The following ADAMTS3 variants were observed in gnomAD, a reference collection of about 807,000 sequenced individuals.
ADAMTS3 encodes A disintegrin and metalloproteinase with thrombospondin motifs 3.
In ADAMTS3, 73 loss-of-function variants were observed where a neutral mutation model predicts 129.0. That is an observed-to-expected ratio of 0.57 (90% CI 0.47 to 0.69). The LOEUF is 0.69. ADAMTS3 is among the 30% of genes least tolerant of loss of function. The pLI, the probability that ADAMTS3 is intolerant of heterozygous loss-of-function variation, is 0.00. For missense variants in ADAMTS3, 1,457 were observed against 1,514.5 expected (o/e 0.96, Z 0.63); for synonymous variants, 477 against 510.8 (o/e 0.93, Z 0.89).
rs758131623 is a variant in ADAMTS3 at position 72,318,567 on chromosome 4, C to A, written c.1485+5G>T. The A allele has an allele frequency of 6.2e-7, 1 of 1,612,838 alleles. No individual in the cohort carries two copies. Among genetic ancestry groups the A allele is most frequent in the Non-Finnish European group, 8.5e-7 (1 of 1,179,494 alleles). On this transcript the variant is annotated splice_donor_5th_base_variant and intron_variant, in intron 10 of 21. Transcript: ENST00000286657. ...CAAAATCTACATCAACTGTGAGCAA[C>A]ATACCGCGGTGCACATTTTATAGCC...
At chr4:72,329,513 T>C (rs1719789432) in intron 5 of ADAMTS3, among the ~76,000 whole-genome samples, 1 of 152,216 alleles carries the variant, frequency 6.6e-6, no homozygotes, top group Admixed American at 6.5e-5. Context: ...CACAGTGTTT[T>C]CCTCAAATGA....
chr4:72,563,439 C>CTTAGA (rs1265188385), intron 2 of ADAMTS3, among the ~76,000 whole-genome samples: 27 of 152,248 alleles, frequency 1.8e-4, no homozygotes, highest in African/African-American at 6.5e-4. Context: ...AGATTTTAAT[C>CTTAGA]TTAGCTTAGC....
At chr4:72,540,812 C>T (rs750068334) in intron 3 of ADAMTS3, among the ~76,000 whole-genome samples, 61 of 152,182 alleles carry the variant, frequency 4.0e-4, no homozygotes, top group Admixed American at 3.3e-4. Flanking sequence ...CAAGTACTGA[C>T]GTTTGAGAAC....
intron 2 of ADAMTS3, among the ~76,000 whole-genome samples, chr4:72,558,915 T>TGGAACTGTCAAAAAAGAG (rs1721834148): frequency 6.6e-6 from 1 of 151,732 alleles, no homozygotes; most frequent in African/African-American, 2.4e-5. Context: ...GGAAATGTAC[T>TGGAACTGTCAAAAAAGAG]GGAACTGTCA....
At chr4:72,525,736 T>G (rs1720789096) in intron 3 of ADAMTS3, among the ~76,000 whole-genome samples, 1 of 152,184 alleles carries the variant, frequency 6.6e-6, no homozygotes, top group Admixed American at 6.5e-5. Flanking sequence ...CACCTGTCCT[T>G]TCTCCCATCC....
At chr4:72,327,706 T>C (rs1462138450) in intron 5 of ADAMTS3, among the ~76,000 whole-genome samples, 1 of 152,186 alleles carries the variant, frequency 6.6e-6, no homozygotes, top group African/African-American at 2.4e-5. Context: ...CAGGCCACAA[T>C]GCTGTCGTTA....
rs79141408 is a variant in ADAMTS3, at chr4:72,414,821, A to G, written c.655T>C (p.Tyr219His). 5.8e-4 allele frequency: 849 copies of G among 1,455,592 alleles called. 7 individuals carry two copies. The East Asian group carries it at 0.021, about 36-fold the overall frequency. The allele number at this position is 1,455,592 out of a possible 1,614,324, so 90.2% of individuals were successfully genotyped here. A position where few individuals can be genotyped will look rare whatever the true frequency, so the allele number is the denominator to read the frequency against. ...APIDMSKDFH[Y>H]RESDLEGLDD... Reference sequence around the variant, plus strand: ...GCTTTGTCAAGACGCCTACCTCTGTAGTGGAAGTCTTTGGACATGTCTATG... The same window carrying G: ...GCTTTGTCAAGACGCCTACCTCTGTGGTGGAAGTCTTTGGACATGTCTATG... The change falls in exon 4 of 22, where the codon TAC becomes CAC. Residue 219 changes from tyrosine (Y) to histidine (H), a missense_variant. Coordinates refer to ENST00000286657, the MANE Select transcript of ADAMTS3 (RefSeq NM_014243.3).
At chr4:72,348,464 A>G (rs1720343062) in intron 4 of ADAMTS3, among the ~76,000 whole-genome samples, 1 of 152,106 alleles carries the variant, frequency 6.6e-6, no homozygotes, top group Non-Finnish European at 1.5e-5. Flanking sequence ...ATATAATACA[A>G]AGAAAATCAG....
intron 3 of ADAMTS3, among the ~76,000 whole-genome samples, chr4:72,511,224 A>T (rs541844524): frequency 1.3e-5 from 2 of 152,144 alleles, no homozygotes; most frequent in Non-Finnish European, 2.9e-5. Context: ...TGGACAAAAA[A>T]TTCTTGATCA....
chr4:72,301,983 T>A (rs958768381), intron 17 of ADAMTS3, among the ~76,000 whole-genome samples: 1 of 151,976 alleles, frequency 6.6e-6, no homozygotes, highest in African/African-American at 2.4e-5. Context: ...GGGACAGTGA[T>A]ACCAGAAACC....
intron 3 of ADAMTS3, among the ~76,000 whole-genome samples, chr4:72,529,878 A>G (rs1720926339): frequency 1.3e-5 from 1 of 75,256 alleles, no homozygotes; most frequent in South Asian, 3.6e-4. Context: ...TATAAATTAT[A>G]TATAATATAT....
chr4:72,516,775 T>A (rs1469470984), intron 3 of ADAMTS3, among the ~76,000 whole-genome samples: 5 of 152,134 alleles, frequency 3.3e-5, no homozygotes, highest in African/African-American at 4.8e-5. Flanking sequence ...AATCATGTCA[T>A]CTGCAAACAG....
At chr4:72,470,482 T>G (rs958119813) in intron 3 of ADAMTS3, among the ~76,000 whole-genome samples, 2 of 151,130 alleles carry the variant, frequency 1.3e-5, no homozygotes, top group Admixed American at 1.3e-4. Context: ...TGAGTATGTA[T>G]ATACACACAT....
At chr4:72,515,017 A>G (rs1157197174) in intron 3 of ADAMTS3, among the ~76,000 whole-genome samples, 1 of 151,910 alleles carries the variant, frequency 6.6e-6, no homozygotes, top group Admixed American at 6.6e-5. Flanking sequence ...CCCAGAGTGT[A>G]ATATTCCCCT....
chr4:72,427,765 C>T (rs943956646), intron 3 of ADAMTS3, among the ~76,000 whole-genome samples: 1 of 152,034 alleles, frequency 6.6e-6, no homozygotes, highest in Non-Finnish European at 1.5e-5. Context: ...AGGACATGAA[C>T]TTCTGAGGAG....
At chr4:72,463,055 G>T (rs772304290) in intron 3 of ADAMTS3, among the ~76,000 whole-genome samples, 71 of 151,870 alleles carry the variant, frequency 4.7e-4, no homozygotes, top group Non-Finnish European at 7.8e-4. Context: ...CTATATAGGT[G>T]TACCATTTTT....
Position 72,282,342 on chromosome 4 carries a change from A to T in ADAMTS3, c.*794T>A, listed in dbSNP as rs1459710805. 4 of 152,338 alleles carry T rather than the reference A, an allele frequency of 2.6e-5. No homozygotes were observed. The East Asian group carries it at 7.7e-4, about 29-fold the overall frequency. The allele number at this position is 152,338 out of a possible 1,614,324, so 9.4% of individuals were successfully genotyped here. A position where few individuals can be genotyped will look rare whatever the true frequency, so the allele number is the denominator to read the frequency against. ...TGATCCCTGTGACCACAAGTGTACTAAGACACCAATCCTTTAAATTATAAG... is the reference window on the plus strand; with the variant it reads ...TGATCCCTGTGACCACAAGTGTACTTAGACACCAATCCTTTAAATTATAAG... On this transcript the variant is annotated 3_prime_UTR_variant, in exon 22 of 22. Coordinates refer to ENST00000286657, the MANE Select transcript of ADAMTS3 (RefSeq NM_014243.3).
intron 3 of ADAMTS3, among the ~76,000 whole-genome samples, chr4:72,440,456 GAATA>G: frequency 6.6e-6 from 1 of 151,850 alleles, no homozygotes; most frequent in East Asian, 2.0e-4. Context: ...AAACTTCCAT[GAATA>G]TGTTTTTCCT....
intron 15 of ADAMTS3, 127 bp downstream of exon 15, chr4:72,309,270 T>A: frequency 1.1e-6 from 1 of 912,174 alleles, no homozygotes; most frequent in Non-Finnish European, 1.6e-6. Context: ...GTAATCTGAA[T>A]AACAATAAAT....
Sources: gnomAD v4.1 joint callset for allele counts (sites outside exome capture counted in the v4.1 genomes callset) on GRCh38, gnomAD v4.1.1 for gene constraint, MANE v1.5 for transcripts, NCBI Gene and HGNC (gene_info 2026-07-23, HGNC 2026-07-21) for gene names.